The following FGF14 variants were observed in gnomAD, a reference collection of about 807,000 sequenced individuals.
FGF14 encodes the protein fibroblast growth factor homologous factor 4.
In FGF14, 5 loss-of-function variants were observed where a neutral mutation model predicts 25.5. The ratio of observed to expected loss-of-function variants is 0.20; its 90% CI spans 0.10 to 0.41. The LOEUF is 0.41. Among genes scored for constraint, FGF14 ranks in the 10% least tolerant of loss-of-function variants. The probability of loss-of-function intolerance (pLI) is 1.00; values close to 1 mark genes in which losing one functional copy is unlikely to be tolerated. For missense variants in FGF14, 222 were observed against 320.1 expected (o/e 0.69, Z 2.34); for synonymous variants, 138 against 118.3 (o/e 1.17, Z -1.08).
At position 101,721,838 on chromosome 13, in the gene FGF14, G is replaced by A. The variant is rs752896423; in HGVS notation, c.*993C>T. The A allele has an allele frequency of 1.1e-4, 16 of 149,560 alleles. No homozygotes were observed. Among genetic ancestry groups the A allele is most frequent in the Non-Finnish European group, 2.1e-4 (14 of 67,390 alleles). 9.3% of individuals were successfully genotyped at this position (149,560 alleles called of 1,614,324 possible). A position where few individuals can be genotyped will look rare whatever the true frequency, so the allele number is the denominator to read the frequency against. ...GGATTTAGGTAGCGCAATTCTTGTA[G>A]GTTATAATTACTGATTTTCCTTTTT... is the stretch of plus-strand genomic sequence containing the variant. On this transcript the variant is annotated 3_prime_UTR_variant, in exon 5 of 5. Coordinates refer to ENST00000376143, the MANE Select transcript of FGF14 (RefSeq NM_004115.4).
intron 1 of FGF14, among the ~76,000 whole-genome samples, chr13:102,068,535 G>T (rs539157818): frequency 6.6e-6 from 1 of 152,354 alleles, no homozygotes; most frequent in East Asian, 1.9e-4. Context: ...GGAGTTCCGG[G>T]TGGGCATGGG....
At chr13:102,317,991 T>C (rs1263371947) in intron 1 of FGF14, among the ~76,000 whole-genome samples, 2 of 152,262 alleles carry the variant, frequency 1.3e-5, no homozygotes, top group East Asian at 3.9e-4. Context: ...TCGGCCCCAG[T>C]CATGCTTGAT....
At chr13:102,396,354 C>T (rs1260924864) in intron 1 of FGF14, among the ~76,000 whole-genome samples, 1 of 152,158 alleles carries the variant, frequency 6.6e-6, no homozygotes, top group Non-Finnish European at 1.5e-5. Flanking sequence ...AACTGTTTCC[C>T]CTTAAGGCAA....
At chr13:101,806,107 T>C (rs1265808484) in intron 3 of FGF14, among the ~76,000 whole-genome samples, 1 of 151,944 alleles carries the variant, frequency 6.6e-6, no homozygotes, top group African/African-American at 2.4e-5. Flanking sequence ...GGTATGTAAA[T>C]ATTTAATATG....
intron 3 of FGF14, among the ~76,000 whole-genome samples, chr13:101,848,630 G>C (rs181528488): frequency 6.6e-6 from 1 of 152,094 alleles, no homozygotes; most frequent in African/African-American, 2.4e-5. Flanking sequence ...CTATAACCAT[G>C]AAAGTCACTC....
At chr13:102,188,845 G>A (rs886153264) in intron 1 of FGF14, among the ~76,000 whole-genome samples, 3 of 151,818 alleles carry the variant, frequency 2.0e-5, no homozygotes, top group African/African-American at 7.3e-5. Context: ...GGAGGCTGAG[G>A]CAGGACAATC....
chr13:102,259,438 C>A (rs965979480), intron 1 of FGF14, among the ~76,000 whole-genome samples: 1 of 152,182 alleles, frequency 6.6e-6, no homozygotes, highest in Non-Finnish European at 1.5e-5. Flanking sequence ...CATCTCTTCC[C>A]TTATAAAAAC....
chr13:102,396,639 G>A (rs141999646), intron 1 of FGF14, among the ~76,000 whole-genome samples: 287 of 152,360 alleles, frequency 1.9e-3, no homozygotes, highest in African/African-American at 6.5e-3. Context: ...AGCACTTTCA[G>A]AAAGTACTGC....
chr13:102,100,639 A>G (rs1050763940), intron 1 of FGF14, among the ~76,000 whole-genome samples: 21 of 152,190 alleles, frequency 1.4e-4, no homozygotes, highest in African/African-American at 5.1e-4. Flanking sequence ...TGGTTCTTGG[A>G]AGCAGAATGA....
intron 1 of FGF14, among the ~76,000 whole-genome samples, chr13:102,023,690 T>C (rs1183254092): frequency 1.3e-5 from 2 of 152,100 alleles, no homozygotes; most frequent in Admixed American, 6.6e-5. Context: ...AATGGAATCA[T>C]ACAAGATGCA....
chr13:102,312,757 A>G (rs2055836618), intron 1 of FGF14, among the ~76,000 whole-genome samples: 1 of 152,222 alleles, frequency 6.6e-6, no homozygotes. Flanking sequence ...TGGATTTGAA[A>G]GCTTCTGATA....
chr13:102,119,853 A>G (rs2045637329), intron 1 of FGF14, among the ~76,000 whole-genome samples: 1 of 152,192 alleles, frequency 6.6e-6, no homozygotes, highest in Admixed American at 6.5e-5. Flanking sequence ...AAAAATCAGA[A>G]AAAGTACAGA....
In FGF14 at chr13:101,986,835, C is replaced by T. The variant is rs373116324; in HGVS notation, c.209-111539G>A. The stretch of plus-strand genomic sequence containing the variant: ...AAACCTCCCCCTTTTCACTAGATTC[C>T]AATAATGGCTTTTCAGTTTCTCAGG... On this transcript the variant is annotated intron_variant, in intron 1 of 4. Transcript: ENST00000376131. Among the ~76,000 whole-genome samples, 15 of 151,874 alleles carry T rather than the reference C, an allele frequency of 9.9e-5. No homozygotes were observed. The East Asian group carries it at 1.4e-3, about 14-fold the overall frequency.
At chr13:102,016,098 T>G (rs2139831051) in intron 1 of FGF14, among the ~76,000 whole-genome samples, 1 of 152,202 alleles carries the variant, frequency 6.6e-6, no homozygotes, top group Admixed American at 6.5e-5. Context: ...TGCATTTGAG[T>G]GGCCAATATA....
chr13:101,883,408 CA>C (rs1228054186), intron 1 of FGF14, among the ~76,000 whole-genome samples: 1 of 152,148 alleles, frequency 6.6e-6, no homozygotes, highest in Non-Finnish European at 1.5e-5. Context: ...TTTGTTTAAG[CA>C]TGTTTTCAAA....
At chr13:102,243,655 GT>G (rs3066872) in intron 1 of FGF14, among the ~76,000 whole-genome samples, 59 of 142,166 alleles carry the variant, frequency 4.2e-4, no homozygotes, top group Non-Finnish European at 5.0e-4. Flanking sequence ...CTTTGGGCAT[GT>G]TTTTTTTTTT....
At chr13:101,746,862 T>C (rs1037570909) in intron 3 of FGF14, among the ~76,000 whole-genome samples, 1 of 152,064 alleles carries the variant, frequency 6.6e-6, no homozygotes, top group Non-Finnish European at 1.5e-5. Flanking sequence ...AATTCTGGTA[T>C]ACTTTAGAAA....
chr13:102,365,993 A>G (rs559539954), intron 1 of FGF14, among the ~76,000 whole-genome samples: 6 of 152,154 alleles, frequency 3.9e-5, no homozygotes, highest in Non-Finnish European at 7.4e-5. Context: ...AAAGTAAGCT[A>G]AGATAGAAAG....
chr13:102,098,133 T>A (rs971645734), intron 1 of FGF14, among the ~76,000 whole-genome samples: 1 of 152,228 alleles, frequency 6.6e-6, no homozygotes, highest in East Asian at 1.9e-4. Context: ...GCACATTTGA[T>A]GAAACTGTCT....
Sources: gnomAD v4.1 joint callset for allele counts (sites outside exome capture counted in the v4.1 genomes callset) on GRCh38, gnomAD v4.1.1 for gene constraint, MANE v1.5 for transcripts, NCBI Gene and HGNC (gene_info 2026-07-23, HGNC 2026-07-21) for gene names.